Variants in CUL5 observed in about 807,000 individuals in gnomAD.
CUL5 encodes the protein cullin-5.
CUL5 carries 26 observed loss-of-function variants against 108.8 expected under a neutral mutation model. The ratio of observed to expected loss-of-function variants is 0.24; its 90% CI spans 0.18 to 0.33. CUL5 has a LOEUF of 0.33. Ranked by LOEUF, CUL5 falls within the 10% of genes least tolerant of loss-of-function variation. The probability of loss-of-function intolerance (pLI) is 1.00; values close to 1 mark genes in which losing one functional copy is unlikely to be tolerated. For missense variants in CUL5, 524 were observed against 909.2 expected (o/e 0.58, Z 5.45); for synonymous variants, 334 against 298.0 (o/e 1.12, Z -1.25).
chr11:108,089,559 G>A lies in CUL5; in HGVS notation c.1379G>A (p.Arg460Gln). 3 of 1,566,754 alleles carry A rather than the reference G, an allele frequency of 1.9e-6. No homozygotes were observed. The highest frequency in any genetic ancestry group is 2.6e-6 in the Non-Finnish European group (3 of 1,160,748). Residue 460 changes from arginine to glutamine, a missense_variant, in exon 13 of 19, where the codon CGA (arginine) becomes CAA (glutamine). By Grantham distance (43) the Arg-to-Gln change is conservative (BLOSUM62 1). Transcript: ENST00000393094. ...AGGTATCATAAAGCTCATTTGACAC[G>A]ACGTCTTATATTAGACATCTCTGCC... ...FMRYHKAHLT[R>Q]RLILDISADS...
intron 11 of CUL5, among the ~76,000 whole-genome samples, chr11:108,079,135 A>C (rs1469965918): frequency 1.3e-5 from 2 of 152,072 alleles, no homozygotes; most frequent in Non-Finnish European, 2.9e-5. Flanking sequence ...ACAGGGTCTC[A>C]CTCTGTCACC....
intron 18 of CUL5, among the ~76,000 whole-genome samples, chr11:108,101,886 T>G (rs1864679725): frequency 6.6e-6 from 1 of 152,184 alleles, no homozygotes; most frequent in African/African-American, 2.4e-5. Context: ...CACACTTTCC[T>G]TCTTCCTTCT....
chr11:108,021,537 T>C (rs1486437514), intron 1 of CUL5, among the ~76,000 whole-genome samples: 1 of 152,182 alleles, frequency 6.6e-6, no homozygotes, highest in African/African-American at 2.4e-5. Context: ...CAGACTGGAG[T>C]GCAGTGGGAT....
At position 108,104,219 on chromosome 11, in the gene CUL5, A is replaced by G; in HGVS notation, c.2178A>G (p.Arg726=). The stretch of plus-strand genomic sequence containing the variant: ...CTATCATACAAATAATGAAAATGAG[A>G]AAGAAAATTAGTAATGCTCAGCTGC... ...QEAIIQIMKM[R]KKISNAQLQT... The change falls in exon 19 of 19, where the codon AGA becomes AGG. Residue 726 remains arginine (R), a synonymous_variant. Transcript: ENST00000393094. 6.3e-7 allele frequency: 1 copy of G among 1,582,612 alleles called. No homozygotes were observed. The highest frequency in any genetic ancestry group is 8.5e-7 in the Non-Finnish European group (1 of 1,169,734).
chr11:108,033,996 A>G, intron 2 of CUL5, 85 bp downstream of exon 2: 1 of 802,860 alleles, frequency 1.2e-6, no homozygotes. Context: ...TGTAACTCTA[A>G]GTTTATCTGT....
chr11:108,094,535 G>A (rs12792042), intron 14 of CUL5, 21 bp downstream of exon 14: 255,438 of 1,197,712 alleles, frequency 0.21, 29,270 homozygotes, highest in East Asian at 0.47. Context: ...ATAATTACAT[G>A]TATATATTTT....
rs528140725 is a variant in CUL5, at chr11:108,077,840, G to A, written c.1114-336G>A. 6.6e-5 allele frequency among the ~76,000 whole-genome samples: 10 copies of A among 151,974 alleles called. No homozygotes were observed. The East Asian group carries it at 1.7e-3, about 27-fold the overall frequency. On this transcript the variant is annotated intron_variant, in intron 10 of 18. Transcript: ENST00000393094. ...GGCACCTATAATCCCAGCTACCCAG[G>A]AGGCCAGCTAAGACAGGAGAATCAC...
intron 1 of CUL5, among the ~76,000 whole-genome samples, chr11:108,022,739 T>C (rs1207201892): frequency 2.0e-5 from 3 of 152,184 alleles, no homozygotes; most frequent in Non-Finnish European, 4.4e-5. Context: ...CTTAGCTGTG[T>C]GCTTTTGAGA....
rs1461117458 is a variant in CUL5, at chr11:108,107,096, A to G, written c.*2712A>G. 1 of 151,688 alleles carries G rather than the reference A, an allele frequency of 6.6e-6. No homozygotes were observed. Among genetic ancestry groups the G allele is most frequent in the Non-Finnish European group, 1.5e-5 (1 of 67,932 alleles). 9.4% of individuals were successfully genotyped at this position (151,688 alleles called of 1,614,324 possible). On this transcript the variant is annotated 3_prime_UTR_variant, in exon 19 of 19. Transcript: ENST00000393094. ...TTACTATTCCAATGATTAAATGAGG[A>G]TCTTGAAATAAATTCTGAAGTCTTC...
intron 7 of CUL5, among the ~76,000 whole-genome samples, chr11:108,059,759 C>G (rs182991468): frequency 6.6e-6 from 1 of 151,926 alleles, no homozygotes; most frequent in Non-Finnish European, 1.5e-5. Context: ...TGGCACGCAC[C>G]TGTAATCTCA....
At chr11:108,033,656 A>T (rs1423117080) in intron 1 of CUL5, 146 bp from the exon 2 acceptor site, 1 of 587,548 alleles carries the variant, frequency 1.7e-6, no homozygotes, top group East Asian at 2.9e-5. Flanking sequence ...TCAATAACGG[A>T]TTAAGCCTGT....
At chr11:108,099,952 C>T (rs569058669) in intron 18 of CUL5, among the ~76,000 whole-genome samples, 6 of 151,150 alleles carry the variant, frequency 4.0e-5, no homozygotes, top group Admixed American at 1.3e-4. Flanking sequence ...CTTCAGCCTT[C>T]CCAGTAGCTG....
At chr11:108,070,980 T>G (rs942410994) in intron 8 of CUL5, among the ~76,000 whole-genome samples, 3 of 152,240 alleles carry the variant, frequency 2.0e-5, no homozygotes, top group Non-Finnish European at 2.9e-5. Flanking sequence ...TGATCTATGT[T>G]GCACTCTTTT....
intron 7 of CUL5, among the ~76,000 whole-genome samples, chr11:108,069,175 T>G (rs1430764005): frequency 1.3e-5 from 2 of 152,182 alleles, no homozygotes; most frequent in Non-Finnish European, 2.9e-5. Flanking sequence ...GAGGATCACT[T>G]GAGCCTAGGA....
Position 108,073,380 on chromosome 11 carries a change from T to G in CUL5, c.1006-10T>G. The G allele has an allele frequency of 7.6e-7, 1 of 1,318,702 alleles. No homozygotes were observed. The highest frequency in any genetic ancestry group is 1.1e-6 in the Non-Finnish European group (1 of 934,904). 81.7% of individuals were successfully genotyped at this position (1,318,702 alleles called of 1,614,324 possible). On this transcript the variant is annotated splice_polypyrimidine_tract_variant and intron_variant, in intron 9 of 18. Transcript: ENST00000393094. ...TTTTAAAAACTTAATGTAAAACCTT[T>G]TGTTTCTAGGACTCTGAGAAATACG...
At chr11:108,030,592 G>A (rs1178693310) in intron 1 of CUL5, among the ~76,000 whole-genome samples, 5 of 152,136 alleles carry the variant, frequency 3.3e-5, no homozygotes, top group East Asian at 1.9e-4. Context: ...AGCTGAGATC[G>A]TGCCACCGCG....
intron 3 of CUL5, among the ~76,000 whole-genome samples, chr11:108,048,634 A>G (rs1002207054): frequency 2.1e-4 from 28 of 136,552 alleles, no homozygotes; most frequent in African/African-American, 7.5e-4. Flanking sequence ...TAGTGGGGAA[A>G]TAGACTCCAC....
At chr11:108,079,596 T>C (rs1864022403) in intron 11 of CUL5, among the ~76,000 whole-genome samples, 1 of 152,216 alleles carries the variant, frequency 6.6e-6, no homozygotes, top group Admixed American at 6.5e-5. Context: ...ATTTAATGTT[T>C]ATGTTTTTAG....
intron 18 of CUL5, among the ~76,000 whole-genome samples, chr11:108,102,115 A>C (rs1010157729): frequency 2.0e-5 from 3 of 151,912 alleles, no homozygotes; most frequent in African/African-American, 7.3e-5. Context: ...TCCACCTCCC[A>C]GGTTCAAATG....
Sources: gnomAD v4.1 joint callset for allele counts (sites outside exome capture counted in the v4.1 genomes callset) on GRCh38, gnomAD v4.1.1 for gene constraint, MANE v1.5 for transcripts, NCBI Gene and HGNC (gene_info 2026-07-23, HGNC 2026-07-21) for gene names.